Variants in IMMP1L observed in about 807,000 individuals in gnomAD.
IMMP1L encodes mitochondrial inner membrane protease subunit 1.
In IMMP1L, 24 loss-of-function variants were observed where a neutral mutation model predicts 21.8. That is an observed-to-expected ratio of 1.10 (90% CI 0.80 to 1.55). The LOEUF is 1.55. Ranked by LOEUF, IMMP1L falls within the 40% of genes most tolerant of loss-of-function variation. IMMP1L has a pLI of 0.00. For synonymous variants in IMMP1L, 46 were observed against 62.8 expected, an observed-to-expected ratio of 0.73 and a Z score of 1.26; for missense variants, 195 against 200.7, an observed-to-expected ratio of 0.97 and a Z score of 0.17.
intron 4 of IMMP1L, among the ~76,000 whole-genome samples, chr11:31,445,671 T>C (rs1953490156): frequency 6.6e-6 from 1 of 152,036 alleles, no homozygotes. Flanking sequence ...TTATTTAGAA[T>C]AAAATCTAGG....
At chr11:31,497,977 A>C (rs1955507537) in intron 1 of IMMP1L, among the ~76,000 whole-genome samples, 1 of 152,204 alleles carries the variant, frequency 6.6e-6, no homozygotes, top group Non-Finnish European at 1.5e-5. Flanking sequence ...AGAAAATCAA[A>C]ACTGGGCTAC....
At chr11:31,473,384 G>A (rs1354559062) in intron 1 of IMMP1L, among the ~76,000 whole-genome samples, 1 of 152,094 alleles carries the variant, frequency 6.6e-6, no homozygotes, top group Non-Finnish European at 1.5e-5. Flanking sequence ...AAGAAACTGA[G>A]GAGCAGAGAG....
chr11:31,475,912 G>A (rs1954713061), intron 1 of IMMP1L, among the ~76,000 whole-genome samples: 1 of 152,124 alleles, frequency 6.6e-6, no homozygotes, highest in African/African-American at 2.4e-5. Context: ...GAGCTGTTCA[G>A]TAAATACCTG....
chr11:31,468,153 A>G (rs912335771), intron 1 of IMMP1L, among the ~76,000 whole-genome samples: 1 of 152,172 alleles, frequency 6.6e-6, no homozygotes, highest in Admixed American at 6.5e-5. Flanking sequence ...GAGCAAAAGG[A>G]AAAAGAAAGC....
At chr11:31,496,100 A>G (rs1955423492) in intron 1 of IMMP1L, among the ~76,000 whole-genome samples, 1 of 143,712 alleles carries the variant, frequency 7.0e-6, no homozygotes, top group African/African-American at 2.8e-5. Context: ...AAGAACTCCT[A>G]TAACTCAAAA....
intron 1 of IMMP1L, among the ~76,000 whole-genome samples, chr11:31,493,975 C>T (rs565871809): frequency 1.3e-5 from 2 of 152,228 alleles, no homozygotes; most frequent in Non-Finnish European, 2.9e-5. Context: ...TGGCTGCTTT[C>T]ATGGGCTGGC....
In IMMP1L at chr11:31,479,245, G is replaced by T. The variant is rs1366959521; in HGVS notation, c.-29-15940C>A. Among the ~76,000 whole-genome samples the T allele has an allele frequency of 1.3e-5, 2 of 151,968 alleles. 1 individual carries two copies. Among genetic ancestry groups the T allele is most frequent in the Non-Finnish European group, 2.9e-5 (2 of 67,898 alleles). ...GTTTGATTTGCCGACAATTTTTGAGGAACACTCCACATTTATTACATTAGT... is the reference window on the plus strand; with the variant it reads ...GTTTGATTTGCCGACAATTTTTGAGTAACACTCCACATTTATTACATTAGT... On this transcript the variant is annotated intron_variant, in intron 1 of 5. Transcript: ENST00000532287.
At chr11:31,437,966 GT>G (rs1220342628) in intron 4 of IMMP1L, among the ~76,000 whole-genome samples, 1 of 152,122 alleles carries the variant, frequency 6.6e-6, no homozygotes, top group Non-Finnish European at 1.5e-5. Context: ...AAACCACAAT[GT>G]TTATCTATGA....
intron 4 of IMMP1L, chr11:31,452,392 C>T (rs556760522): frequency 2.0e-6 from 2 of 985,326 alleles, no homozygotes; most frequent in South Asian, 4.7e-5. Flanking sequence ...TGAGCCCTGG[C>T]CCTACATTCC....
At chr11:31,440,550 C>T (rs555513891) in intron 4 of IMMP1L, among the ~76,000 whole-genome samples, 8 of 152,160 alleles carry the variant, frequency 5.3e-5, no homozygotes, top group African/African-American at 1.9e-4. Flanking sequence ...ACCACCATGC[C>T]CAGCTAATTT....
chr11:31,500,858 G>C (rs1955597259), intron 1 of IMMP1L, among the ~76,000 whole-genome samples: 1 of 152,124 alleles, frequency 6.6e-6, no homozygotes, highest in African/African-American at 2.4e-5. Context: ...ACAGCGAGTT[G>C]AAAAGTTGTA....
At chr11:31,485,666 C>T (rs570693039) in intron 1 of IMMP1L, among the ~76,000 whole-genome samples, 1 of 151,746 alleles carries the variant, frequency 6.6e-6, no homozygotes, top group Non-Finnish European at 1.5e-5. Context: ...ATGAGTCAAA[C>T]GGAAGGCACT....
At chr11:31,440,366 A>C (rs1183003557) in intron 4 of IMMP1L, among the ~76,000 whole-genome samples, 1 of 152,206 alleles carries the variant, frequency 6.6e-6, no homozygotes, top group Non-Finnish European at 1.5e-5. Flanking sequence ...TGCCAGAAGC[A>C]GATGTTCAAA....
chr11:31,472,025 A>G (rs1465482289), intron 1 of IMMP1L, among the ~76,000 whole-genome samples: 1 of 152,002 alleles, frequency 6.6e-6, no homozygotes, highest in Non-Finnish European at 1.5e-5. Flanking sequence ...CTCCCTGGCC[A>G]TTATTCCATG....
chr11:31,496,362 C>T (rs1161212427), intron 1 of IMMP1L, among the ~76,000 whole-genome samples: 3 of 152,102 alleles, frequency 2.0e-5, no homozygotes, highest in African/African-American at 4.8e-5. Context: ...GTAACCCTTC[C>T]GCACTCCTGG....
intron 1 of IMMP1L, among the ~76,000 whole-genome samples, chr11:31,488,451 G>A (rs945156559): frequency 6.6e-6 from 1 of 152,066 alleles, no homozygotes; most frequent in African/African-American, 2.4e-5. Flanking sequence ...ATCCATCAGA[G>A]AATTCAGGTC....
At chr11:31,443,738 A>G (rs1953418195) in intron 4 of IMMP1L, among the ~76,000 whole-genome samples, 1 of 152,142 alleles carries the variant, frequency 6.6e-6, no homozygotes, top group Non-Finnish European at 1.5e-5. Flanking sequence ...TTGCTGTCCT[A>G]TCTACATCAT....
intron 1 of IMMP1L, among the ~76,000 whole-genome samples, chr11:31,503,434 T>C (rs1033702138): frequency 2.6e-5 from 4 of 151,824 alleles, no homozygotes; most frequent in Admixed American, 1.3e-4. Flanking sequence ...AAGTAGAAAG[T>C]AAAGACTGAG....
intron 4 of IMMP1L, among the ~76,000 whole-genome samples, chr11:31,446,615 C>T (rs1381807768): frequency 6.6e-6 from 1 of 152,256 alleles, no homozygotes; most frequent in East Asian, 1.9e-4. Flanking sequence ...ATGTGCCATA[C>T]ACTGGAACTC....
Sources: gnomAD v4.1 joint callset for allele counts (sites outside exome capture counted in the v4.1 genomes callset) on GRCh38, gnomAD v4.1.1 for gene constraint, MANE v1.5 for transcripts, NCBI Gene and HGNC (gene_info 2026-07-23, HGNC 2026-07-21) for gene names.